ZNF566: variants seen among roughly 807,000 people sequenced by gnomAD.
ZNF566 encodes zinc finger protein 566.
In ZNF566, 27 loss-of-function variants were observed where a neutral mutation model predicts 32.8. The ratio of observed to expected loss-of-function variants is 0.82; its 90% CI spans 0.61 to 1.14. The LOEUF (loss-of-function observed/expected upper bound fraction) is 1.14. Among genes scored for constraint, ZNF566 ranks in the 50% most tolerant of loss-of-function variants. The probability of loss-of-function intolerance (pLI) is 0.00; values close to 1 mark genes in which losing one functional copy is unlikely to be tolerated. For synonymous variants in ZNF566, 154 were observed against 159.5 expected (o/e 0.97, Z 0.26); for missense variants, 402 against 490.4 (o/e 0.82, Z 1.70).
chr19:36,453,507 AT>A (rs779947092), intron 4 of ZNF566, among the ~76,000 whole-genome samples: 6,504 of 55,596 alleles, frequency 0.12, 187 homozygotes, highest in Middle Eastern at 0.27. Context: ...AAATAAATAA[AT>A]TAATTAATTA....
chr19:36,481,407 G>A (rs1036815170), intron 1 of ZNF566, among the ~76,000 whole-genome samples: 4 of 149,564 alleles, frequency 2.7e-5, no homozygotes, highest in Non-Finnish European at 5.9e-5. Context: ...GGAGGCGGAG[G>A]TTGCAGTGAG....
chr19:36,462,416 T>G (rs191746633), intron 4 of ZNF566, among the ~76,000 whole-genome samples: 21 of 152,240 alleles, frequency 1.4e-4, no homozygotes, highest in Admixed American at 6.5e-4. Flanking sequence ...GCTGGGGCTT[T>G]AGTTACCTCC....
Position 36,449,115 on chromosome 19 carries a change from C to G in ZNF566, c.1119G>C (p.Gly373=), listed in dbSNP as rs758021251. 13 of 1,614,032 alleles carry G rather than the reference C, an allele frequency of 8.1e-6. No homozygotes were observed. The South Asian group carries it at 1.1e-4, about 14-fold the overall frequency. Residue 373 remains glycine, a synonymous_variant, in exon 5 of 5, where the codon GGG becomes GGC. Coordinates refer to ENST00000452939, the MANE Select transcript of ZNF566 (RefSeq NM_001145344.1). ...GEKPYECKIC[G]KAYSQSSQLI... is the part of the protein sequence containing the mutation. ...GCTGTGAACTCTGAGAATAAGCCTT[C>G]CCACATATCTTACATTCATAGGGTT...
At chr19:36,473,034 A>G in intron 3 of ZNF566, 28 bp from the exon 4 acceptor site, 1 of 1,581,548 alleles carries the variant, frequency 6.3e-7, no homozygotes, top group Non-Finnish European at 8.7e-7. Flanking sequence ...AACAAAACAA[A>G]TTTATCATGA....
At chr19:36,478,738 C>T (rs1408905425) in intron 1 of ZNF566, among the ~76,000 whole-genome samples, 1 of 152,124 alleles carries the variant, frequency 6.6e-6, no homozygotes, top group Non-Finnish European at 1.5e-5. Context: ...CATTCTTAGG[C>T]GTCTTGCTGG....
chr19:36,476,484 G>T, intron 2 of ZNF566, 65 bp downstream of exon 2: 1 of 1,456,122 alleles, frequency 6.9e-7, no homozygotes, highest in Non-Finnish European at 9.6e-7. Context: ...CATGAGGAAA[G>T]CAAATGTTTA....
chr19:36,450,650 GATAA>G (rs3085977), intron 4 of ZNF566, among the ~76,000 whole-genome samples: 15 of 151,842 alleles, frequency 9.9e-5, no homozygotes, highest in African/African-American at 2.7e-4. Flanking sequence ...TCAATAGATA[GATAA>G]ATAAATAAAT....
chr19:36,452,339 G>A (rs1263748013), intron 4 of ZNF566, among the ~76,000 whole-genome samples: 1 of 151,710 alleles, frequency 6.6e-6, no homozygotes, highest in Non-Finnish European at 1.5e-5. Context: ...TAGCAAGGTG[G>A]TTGAGAAAAC....
At chr19:36,475,331 G>A (rs1049443622) in intron 2 of ZNF566, among the ~76,000 whole-genome samples, 1 of 152,108 alleles carries the variant, frequency 6.6e-6, no homozygotes, top group Non-Finnish European at 1.5e-5. Context: ...GAGTCACCAC[G>A]TTTGGCCACT....
At chr19:36,454,993 G>T (rs1020665092) in intron 4 of ZNF566, among the ~76,000 whole-genome samples, 1 of 152,052 alleles carries the variant, frequency 6.6e-6, no homozygotes, top group South Asian at 2.1e-4. Context: ...ACTAGCAAAT[G>T]GAATTCAACA....
intron 2 of ZNF566, among the ~76,000 whole-genome samples, chr19:36,475,958 T>C (rs2033873622): frequency 1.3e-5 from 2 of 152,176 alleles, no homozygotes; most frequent in African/African-American, 4.8e-5. Context: ...TAAAACTTCT[T>C]CAGAGAAATT....
chr19:36,461,396 C>T (rs555252383), intron 4 of ZNF566, among the ~76,000 whole-genome samples: 5 of 152,288 alleles, frequency 3.3e-5, no homozygotes, highest in South Asian at 2.1e-4. Flanking sequence ...CTTGGCTGGA[C>T]GCAGTGGCTT....
At chr19:36,453,117 CA>C (rs1000282859) in intron 4 of ZNF566, among the ~76,000 whole-genome samples, 91 of 129,874 alleles carry the variant, frequency 7.0e-4, no homozygotes, top group African/African-American at 2.3e-3. Context: ...GACTCTGTCT[CA>C]AAAAAAAAAC....
At chr19:36,468,363 T>C (rs912051224) in intron 4 of ZNF566, among the ~76,000 whole-genome samples, 10 of 151,626 alleles carry the variant, frequency 6.6e-5, no homozygotes, top group African/African-American at 2.2e-4. Context: ...CCCAACACTT[T>C]GGGAGGTTGA....
At chr19:36,460,142 G>C (rs1388342299) in intron 4 of ZNF566, among the ~76,000 whole-genome samples, 1 of 151,912 alleles carries the variant, frequency 6.6e-6, no homozygotes, top group African/African-American at 2.4e-5. Flanking sequence ...GGGTCTCATA[G>C]AATAATATTC....
At chr19:36,482,647 T>G (rs2034065311) in intron 1 of ZNF566, among the ~76,000 whole-genome samples, 1 of 152,212 alleles carries the variant, frequency 6.6e-6, no homozygotes, top group Non-Finnish European at 1.5e-5. Context: ...TAAATACTTT[T>G]TACACAGGTC....
intron 1 of ZNF566, among the ~76,000 whole-genome samples, chr19:36,487,673 C>A (rs1022825697): frequency 6.6e-6 from 1 of 151,940 alleles, no homozygotes; most frequent in African/African-American, 2.4e-5. Flanking sequence ...TTTGGGAGGC[C>A]AAGGTGGGCG....
intron 4 of ZNF566, among the ~76,000 whole-genome samples, chr19:36,472,048 A>G (rs1418104308): frequency 1.3e-5 from 2 of 152,122 alleles, no homozygotes; most frequent in Non-Finnish European, 2.9e-5. Flanking sequence ...CCAATCACGC[A>G]TGTTCTATTC....
intron 2 of ZNF566, among the ~76,000 whole-genome samples, chr19:36,474,370 G>A (rs911776132): frequency 6.6e-6 from 1 of 152,176 alleles, no homozygotes; most frequent in Non-Finnish European, 1.5e-5. Context: ...AGGCAAATGA[G>A]GGGGGAAGCA....
Sources: allele counts gnomAD v4.1 joint callset (sites outside exome capture counted in the v4.1 genomes callset), GRCh38; gene constraint gnomAD v4.1.1; transcripts MANE v1.5; gene names NCBI Gene and HGNC (gene_info 2026-07-23, HGNC 2026-07-21).